Variants in TMEM50B observed in about 807,000 individuals in gnomAD.
TMEM50B encodes transmembrane protein 50B, also known as HCV p7-trans-regulated protein 3.
Under a neutral mutation model 23.4 loss-of-function variants are expected in TMEM50B, and 14 were observed. That is an observed-to-expected ratio of 0.60 (90% CI 0.39 to 0.93). The LOEUF is 0.93. Among genes scored for constraint, TMEM50B ranks in the 40% least tolerant of loss-of-function variants. The pLI, the probability that TMEM50B is intolerant of heterozygous loss-of-function variation, is 0.00. For missense variants in TMEM50B, 159 were observed against 193.0 expected (o/e 0.82, Z 1.04); for synonymous variants, 64 against 62.3 (o/e 1.03, Z -0.13).
chr21:33,459,685 T>A (rs1048207481), intron 5 of TMEM50B, among the ~76,000 whole-genome samples: 11 of 110,650 alleles, frequency 9.9e-5, no homozygotes, highest in Admixed American at 2.8e-4. Flanking sequence ...AAAAAAAAAA[T>A]TACAGGATTA....
chr21:33,465,260 TAA>T (rs2084254846), intron 4 of TMEM50B, 80 bp downstream of exon 4: 1 of 973,146 alleles, frequency 1.0e-6, no homozygotes, highest in Non-Finnish European at 1.6e-6. Flanking sequence ...CAGTCTTGAA[TAA>T]AGACTCACAA....
At chr21:33,446,441 T>C (rs2084055967), downstream of TMEM50B, among the ~76,000 whole-genome samples, 1 of 150,844 alleles carries the variant, frequency 6.6e-6, no homozygotes, top group South Asian at 2.1e-4. Context: ...TTCACTATGT[T>C]GGCCAGGCTG....
chr21:33,443,321 G>A (rs1402767632), intron 7 of TMEM50B, among the ~76,000 whole-genome samples: 1 of 149,394 alleles, frequency 6.7e-6, no homozygotes, highest in Non-Finnish European at 1.5e-5. Flanking sequence ...GTGTCCTCCA[G>A]ATCCAGACAC....
chr21:33,469,289 A>G (rs1490881294), intron 1 of TMEM50B, among the ~76,000 whole-genome samples: 1 of 152,130 alleles, frequency 6.6e-6, no homozygotes, highest in Non-Finnish European at 1.5e-5. Flanking sequence ...GTCTCTACTA[A>G]AAATACAAAA....
At chr21:33,474,351 T>C (rs2084346468) in intron 1 of TMEM50B, among the ~76,000 whole-genome samples, 1 of 151,986 alleles carries the variant, frequency 6.6e-6, no homozygotes, top group South Asian at 2.1e-4. Flanking sequence ...TTCTTTTTTT[T>C]AATAAGAGTA....
At chr21:33,451,044 C>T (rs192446121) in intron 6 of TMEM50B, among the ~76,000 whole-genome samples, 181 bp from the exon 7 acceptor site, 152 of 152,252 alleles carry the variant, frequency 1.0e-3, no homozygotes, top group Non-Finnish European at 1.6e-3. Context: ...CTGTTAACTA[C>T]GATGGCTAAG....
chr21:33,460,895 A>G (rs2084211812), intron 4 of TMEM50B, among the ~76,000 whole-genome samples: 1 of 152,366 alleles, frequency 6.6e-6, no homozygotes, highest in African/African-American at 2.4e-5. Flanking sequence ...TTTTTAATCA[A>G]TGGTAAGCTT....
chr21:33,478,909 G>C (rs2084399528), intron 1 of TMEM50B: 3 of 437,144 alleles, frequency 6.9e-6, no homozygotes, highest in Non-Finnish European at 1.4e-5. Context: ...TCTGAGAAGG[G>C]AGATGGGATC....
At chr21:33,452,250 G>A (rs1041699576) in intron 6 of TMEM50B, among the ~76,000 whole-genome samples, 8 of 152,204 alleles carry the variant, frequency 5.3e-5, no homozygotes, top group African/African-American at 1.9e-4. Flanking sequence ...TCAAAACCAG[G>A]AGTGTCAAGG....
rs544242932 is a variant in TMEM50B, at chr21:33,459,898, A to G, written c.373+515T>C. ...AGCTGGGTATAGACAAGCACATCCT[A>G]TAATCTAATATATCTATTTTCATTC... On this transcript the variant is annotated intron_variant, in intron 5 of 6. Coordinates refer to ENST00000542230, the MANE Select transcript of TMEM50B (RefSeq NM_006134.7). 8.6e-4 allele frequency among the ~76,000 whole-genome samples: 130 copies of G among 151,984 alleles called. 1 individual carries two copies. The highest frequency in any genetic ancestry group is 1.6e-3 in the Non-Finnish European group (106 of 67,786).
chr21:33,477,566 G>C, intron 1 of TMEM50B, among the ~76,000 whole-genome samples: 1 of 151,332 alleles, frequency 6.6e-6, no homozygotes. Flanking sequence ...GCTAGGTACG[G>C]TGGCTCACGT....
At position 33,451,108 on chromosome 21, in the gene TMEM50B, G is replaced by C. The variant is rs1437515817; in HGVS notation, c.432-245C>G. Among the ~76,000 whole-genome samples, 4 of 152,100 alleles carry C rather than the reference G, an allele frequency of 2.6e-5. No individual in the cohort carries two copies. The East Asian group carries it at 5.8e-4, about 22-fold the overall frequency. On this transcript the variant is annotated intron_variant, in intron 6 of 6. Transcript: ENST00000542230. Reference sequence around the variant, plus strand: ...GAAGTTATTAACAGGCAACTTGTAAGGAAAAGAGACATTTCTCTATGACTC... The same window carrying C: ...GAAGTTATTAACAGGCAACTTGTAACGAAAAGAGACATTTCTCTATGACTC...
chr21:33,475,735 A>T (rs540008320), intron 1 of TMEM50B, among the ~76,000 whole-genome samples: 7 of 151,600 alleles, frequency 4.6e-5, no homozygotes, highest in African/African-American at 1.7e-4. Context: ...TGGGCAGATC[A>T]TGAGGTCAGG....
rs187702082 is a variant in TMEM50B, at chr21:33,460,753, C to A, written c.281-248G>T. On this transcript the variant is annotated intron_variant, in intron 4 of 6. Coordinates refer to ENST00000542230, the MANE Select transcript of TMEM50B (RefSeq NM_006134.7). ...TTTTTACTGACTAGAGAAACGAATG[C>A]CCTAATTAAAAAATTACACTGTTGT... Among the ~76,000 whole-genome samples, 26 of 151,710 alleles carry A rather than the reference C, an allele frequency of 1.7e-4. No individual in the cohort carries two copies. The East Asian group carries it at 2.7e-3, about 16-fold the overall frequency.
chr21:33,479,963 C>A lies in TMEM50B; in HGVS notation c.-167G>T, dbSNP rs2084414185. 6.6e-6 allele frequency: 1 copy of A among 152,196 alleles called. No individual in the cohort carries two copies. Among genetic ancestry groups the A allele is most frequent in the African/African-American group, 2.4e-5 (1 of 41,454 alleles). 9.4% of individuals were successfully genotyped at this position (152,196 alleles called of 1,614,324 possible). ...GGGAGCCCGGAGCTGGGAGCAGACG[C>A]GAGGATAGAGCGCCGGTGAGGCGGG... On this transcript the variant is annotated 5_prime_UTR_variant, in exon 1 of 7. Transcript: ENST00000542230.
chr21:33,455,129 T>C (rs527533700), intron 6 of TMEM50B, among the ~76,000 whole-genome samples: 1 of 151,840 alleles, frequency 6.6e-6, no homozygotes, highest in East Asian at 1.9e-4. Flanking sequence ...AAAAAATAAA[T>C]AAATAAATAA....
intron 2 of TMEM50B, among the ~76,000 whole-genome samples, chr21:33,467,630 A>G (rs1241092634): frequency 1.3e-5 from 2 of 151,410 alleles, no homozygotes; most frequent in Non-Finnish European, 2.9e-5. Flanking sequence ...TCTCAAAAAC[A>G]TTCAAATATA....
At chr21:33,457,056 A>G (rs2084175397) in intron 5 of TMEM50B, among the ~76,000 whole-genome samples, 1 of 152,052 alleles carries the variant, frequency 6.6e-6, no homozygotes, top group Admixed American at 6.6e-5. Flanking sequence ...GGAGTTTGAG[A>G]CCAGCCTGGC....
intron 1 of TMEM50B, among the ~76,000 whole-genome samples, chr21:33,476,853 C>T (rs2084378123): frequency 6.6e-6 from 1 of 150,926 alleles, no homozygotes; most frequent in African/African-American, 2.4e-5. Context: ...ATATTATCTA[C>T]TTGAAACTTA....
Sources: gnomAD v4.1 joint callset for allele counts (sites outside exome capture counted in the v4.1 genomes callset) on GRCh38, gnomAD v4.1.1 for gene constraint, MANE v1.5 for transcripts, NCBI Gene and HGNC (gene_info 2026-07-23, HGNC 2026-07-21) for gene names.